CMIP: variants seen among roughly 807,000 people sequenced by gnomAD.
The protein encoded by CMIP is c-Maf inducing protein.
Under a neutral mutation model 97.3 loss-of-function variants are expected in CMIP, and 13 were observed. That is an observed-to-expected ratio of 0.13 (90% CI 0.09 to 0.21). CMIP has a LOEUF of 0.21. Ranked by LOEUF, CMIP falls within the 10% of genes least tolerant of loss-of-function variation. The probability of loss-of-function intolerance (pLI) is 1.00; values close to 1 mark genes in which losing one functional copy is unlikely to be tolerated. For synonymous variants in CMIP, 538 were observed against 436.3 expected (o/e 1.23, Z -2.91); for missense variants, 847 against 1,024.9 (o/e 0.83, Z 2.37).
chr16:81,521,616 C>T (rs547375641), intron 1 of CMIP, among the ~76,000 whole-genome samples: 58 of 152,218 alleles, frequency 3.8e-4, no homozygotes, highest in African/African-American at 1.3e-3. Context: ...CGAGTCTGTG[C>T]GGAGCTTCTT....
chr16:81,522,078 G>C (rs7191961), intron 1 of CMIP, among the ~76,000 whole-genome samples: 10,708 of 152,228 alleles, frequency 0.07, 1,214 homozygotes, highest in African/African-American at 0.24. Flanking sequence ...GTTTCTGCTT[G>C]TCCATTCACA....
In CMIP at chr16:81,663,649, T is replaced by G. The variant is rs567513677; in HGVS notation, c.745-620T>G. On this transcript the variant is annotated intron_variant, in intron 6 of 20. Coordinates refer to ENST00000537098, the MANE Select transcript of CMIP (RefSeq NM_198390.3). ...GTGGACTCTGGGTAACAATGATGTG[T>G]CAGTGTGGGGTTCTCCATTGTAACA... Among the ~76,000 whole-genome samples, 198 of 152,256 alleles carry G rather than the reference T, an allele frequency of 1.3e-3. 1 individual carries two copies. Among genetic ancestry groups the G allele is most frequent in the African/African-American group, 4.5e-3 (187 of 41,546 alleles).
At chr16:81,690,678 A>C (rs1403359512) in intron 10 of CMIP, among the ~76,000 whole-genome samples, 1 of 152,142 alleles carries the variant, frequency 6.6e-6, no homozygotes. Flanking sequence ...CTATCCCAGC[A>C]CTTTGGGAGG....
intron 1 of CMIP, among the ~76,000 whole-genome samples, chr16:81,573,449 G>A (rs1275432411): frequency 6.6e-6 from 1 of 152,176 alleles, no homozygotes; most frequent in African/African-American, 2.4e-5. Flanking sequence ...GGTATACCCT[G>A]CTATTCCTCA....
At chr16:81,582,014 G>A (rs1484545255) in intron 1 of CMIP, among the ~76,000 whole-genome samples, 2 of 152,310 alleles carry the variant, frequency 1.3e-5, no homozygotes, top group East Asian at 3.9e-4. Context: ...AGGCAAAGGA[G>A]GAGCCAGCAC....
At chr16:81,496,064 T>A (rs1176233119) in intron 1 of CMIP, among the ~76,000 whole-genome samples, 2 of 152,138 alleles carry the variant, frequency 1.3e-5, no homozygotes, top group Admixed American at 1.3e-4. Flanking sequence ...GGTGGGGCTT[T>A]GAAGATGCTG....
At chr16:81,635,844 T>A (rs866384900) in intron 3 of CMIP, among the ~76,000 whole-genome samples, 1 of 151,698 alleles carries the variant, frequency 6.6e-6, no homozygotes, top group African/African-American at 2.4e-5. Flanking sequence ...ACAACAGAGG[T>A]GGCATGACCC....
chr16:81,645,746 G>A, intron 3 of CMIP: 2 of 856,514 alleles, frequency 2.3e-6, no homozygotes, highest in Non-Finnish European at 3.8e-6. Context: ...GCCCTCCTGA[G>A]TTCTACCTCC....
At chr16:81,548,679 A>G (rs998731673) in intron 1 of CMIP, among the ~76,000 whole-genome samples, 8 of 149,496 alleles carry the variant, frequency 5.4e-5, no homozygotes, top group Non-Finnish European at 6.0e-5. Flanking sequence ...TGCCTCTACA[A>G]AAAAAAAAAG....
At position 81,703,601 on chromosome 16, in the gene CMIP, GCACACA is replaced by G. The variant is rs577962949; in HGVS notation, c.1945-331_1945-326del. On this transcript the variant is annotated intron_variant, in intron 17 of 20. Coordinates refer to ENST00000537098, the MANE Select transcript of CMIP (RefSeq NM_198390.3). ...CACACACAGATATACACACATACAG[GCACACA>G]CACACAGACACACACACACACAGAC... Among the ~76,000 whole-genome samples the G allele has an allele frequency of 2.4e-3, 333 of 138,488 alleles. 11 individuals are homozygous for G. In the South Asian group the frequency reaches 0.071, roughly 29 times the overall value. 90.9% of individuals were successfully genotyped at this position (138,488 alleles called of 152,430 possible). A position where few individuals can be genotyped will look rare whatever the true frequency, so the allele number is the denominator to read the frequency against.
At chr16:81,538,202 G>A (rs980808549) in intron 1 of CMIP, among the ~76,000 whole-genome samples, 5 of 152,208 alleles carry the variant, frequency 3.3e-5, no homozygotes, top group Admixed American at 6.5e-5. Flanking sequence ...GTCAAGAGGG[G>A]CTAAGGCCTG....
intron 1 of CMIP, among the ~76,000 whole-genome samples, chr16:81,482,741 C>T (rs1597465017): frequency 6.6e-6 from 1 of 152,224 alleles, no homozygotes; most frequent in East Asian, 1.9e-4. Context: ...GGTGACAAAC[C>T]CGGGCTTCGG....
chr16:81,611,771 T>A (rs189576357), intron 2 of CMIP, among the ~76,000 whole-genome samples: 1 of 152,240 alleles, frequency 6.6e-6, no homozygotes, highest in East Asian at 1.9e-4. Flanking sequence ...TGTAAAACTC[T>A]TACTTTGTTA....
At chr16:81,483,101 G>T (rs2089256393) in intron 1 of CMIP, among the ~76,000 whole-genome samples, 1 of 152,340 alleles carries the variant, frequency 6.6e-6, no homozygotes, top group Non-Finnish European at 1.5e-5. Flanking sequence ...ATCAGACGAG[G>T]GAGGACAGAA....
chr16:81,552,788 G>A (rs1300791087), intron 1 of CMIP, among the ~76,000 whole-genome samples: 3 of 152,188 alleles, frequency 2.0e-5, no homozygotes, highest in Non-Finnish European at 4.4e-5. Flanking sequence ...CATCCTTAGT[G>A]GGAGAAGCCA....
chr16:81,693,349 G>C (rs565983576), intron 12 of CMIP, 90 bp from the exon 13 acceptor site: 350 of 1,538,086 alleles, frequency 2.3e-4, no homozygotes, highest in Non-Finnish European at 3.0e-4. Flanking sequence ...TCCCTGGCCC[G>C]TTCTTCCTTG....
In CMIP at chr16:81,453,510, C is replaced by T. The variant is rs1238221228; in HGVS notation, c.300+7969C>T. On this transcript the variant is annotated intron_variant, in intron 1 of 20. Coordinates refer to ENST00000537098, the MANE Select transcript of CMIP (RefSeq NM_198390.3). This position sits in a 1 kb window ranked among gnomAD's most constrained non-coding sequence, Gnocchi z 4.0. ...CAGGATATCTGAAAATTGGAGCACA[C>T]AGTCTGAGCAGACCCAGGCCTGGCT... 2.0e-5 allele frequency among the ~76,000 whole-genome samples: 3 copies of T among 152,224 alleles called. No individual in the cohort carries two copies. The highest frequency in any genetic ancestry group is 1.3e-4 in the Admixed American group (2 of 15,286).
chr16:81,471,330 A>G (rs1327084142), intron 1 of CMIP, among the ~76,000 whole-genome samples: 1 of 152,256 alleles, frequency 6.6e-6, no homozygotes, highest in Admixed American at 6.5e-5. Flanking sequence ...ACATATGCAC[A>G]CATAAATATG....
intron 6 of CMIP, among the ~76,000 whole-genome samples, chr16:81,663,874 G>A (rs1044112276): frequency 2.6e-5 from 4 of 152,072 alleles, no homozygotes; most frequent in East Asian, 1.9e-4. Context: ...AAACAAGATT[G>A]TGTTGTCCTC....
Sources: gnomAD v4.1 joint callset for allele counts (sites outside exome capture counted in the v4.1 genomes callset) on GRCh38, gnomAD v4.1.1 for gene constraint, Gnocchi (gnomAD v3.1) non-coding constraint, MANE v1.5 for transcripts, NCBI Gene and HGNC (gene_info 2026-07-23, HGNC 2026-07-21) for gene names.